Variants in MSH4 observed in about 807,000 individuals in gnomAD.
MSH4 encodes mutS homolog 4, also known as mutS protein homolog 4.
In MSH4, 106 loss-of-function variants were observed where a neutral mutation model predicts 113.7. The ratio of observed to expected loss-of-function variants is 0.93; its 90% CI spans 0.80 to 1.10. MSH4 has a LOEUF of 1.10. Among genes scored for constraint, MSH4 ranks in the 50% least tolerant of loss-of-function variants. The pLI, the probability that MSH4 is intolerant of heterozygous loss-of-function variation, is 0.00. For missense variants in MSH4, 1,061 were observed against 1,093.7 expected, an observed-to-expected ratio of 0.97 and a Z score of 0.42; for synonymous variants, 368 against 380.2, an observed-to-expected ratio of 0.97 and a Z score of 0.37.
Position 75,816,412 on chromosome 1 carries a change from T to C in MSH4, c.855T>C (p.Tyr285=), listed in dbSNP as rs759534906. 7 of 1,608,682 alleles carry C rather than the reference T, an allele frequency of 4.4e-6. No homozygotes were observed. The highest frequency in any genetic ancestry group is 1.7e-4 in the Middle Eastern group (1 of 6,020). Residue 285 remains tyrosine (Y), a synonymous_variant, in exon 6 of 20, where the codon TAT becomes TAC. Coordinates refer to ENST00000263187, the MANE Select transcript of MSH4 (RefSeq NM_002440.4). ...CLAAVAALLK[Y]VEFIQNSVYA... ...CAGCTGTTGCAGCTTTGTTAAAATA[T>C]GTTGAATTTATTCAAAATTCAGTTT...
At chr1:75,885,318 G>T (rs12068999) in intron 15 of MSH4, among the ~76,000 whole-genome samples, 4,432 of 105,098 alleles carry the variant, frequency 0.042, 108 homozygotes, top group African/African-American at 0.061. Context: ...TCACACTGGG[G>T]GTGTGTGTGT....
At chr1:75,837,094 G>A (rs114911873) in intron 7 of MSH4, among the ~76,000 whole-genome samples, 1,572 of 152,276 alleles carry the variant, frequency 0.01, 40 homozygotes, top group African/African-American at 0.036. Context: ...CCTTTAGGGG[G>A]TGGTTACACA....
intron 9 of MSH4, among the ~76,000 whole-genome samples, chr1:75,874,622 A>G (rs959748065): frequency 1.3e-5 from 2 of 151,994 alleles, no homozygotes; most frequent in Admixed American, 6.6e-5. Context: ...ACACCTGACA[A>G]TGGAAGGTTT....
chr1:75,844,906 T>A (rs1043234492), intron 7 of MSH4, among the ~76,000 whole-genome samples: 1 of 152,222 alleles, frequency 6.6e-6, no homozygotes, highest in Non-Finnish European at 1.5e-5. Flanking sequence ...AAGGGACCTG[T>A]ATCTGGTGAG....
At chr1:75,805,271 C>G (rs1650035181) in intron 2 of MSH4, among the ~76,000 whole-genome samples, 3 of 152,020 alleles carry the variant, frequency 2.0e-5, no homozygotes, top group Admixed American at 6.6e-5. Flanking sequence ...CATCCTAATA[C>G]ATAAAGCTTT....
chr1:75,805,223 T>C (rs1447193484), intron 2 of MSH4, among the ~76,000 whole-genome samples: 1 of 152,180 alleles, frequency 6.6e-6, no homozygotes, highest in East Asian at 1.9e-4. Flanking sequence ...AATACATTTA[T>C]GCTGTTATCT....
In MSH4 at chr1:75,797,011, C is replaced by T; in HGVS notation, c.26C>T (p.Thr9Ile). The change falls in exon 1 of 20, where the codon ACC becomes ATC. Residue 9 changes from threonine (T) to isoleucine (I), a missense_variant. Physicochemically the swap from Thr to Ile is moderately conservative, Grantham distance 89. Transcript: ENST00000263187. MLRPEISSTSPSAPAVSPS... is the reference protein window; with the variant it reads MLRPEISSISPSAPAVSPS... ...ATGCTGAGGCCTGAGATCTCATCAACCTCGCCTTCTGCCCCGGCGGTTTCC... is the reference window on the plus strand; with the variant it reads ...ATGCTGAGGCCTGAGATCTCATCAATCTCGCCTTCTGCCCCGGCGGTTTCC... The T allele has an allele frequency of 6.2e-7, 1 of 1,614,122 alleles. No homozygotes were observed.
chr1:75,902,355 C>T (rs567066956), intron 19 of MSH4, among the ~76,000 whole-genome samples: 42 of 151,972 alleles, frequency 2.8e-4, no homozygotes, highest in Admixed American at 5.9e-4. Context: ...CCCTTGCCAC[C>T]TCCTACCTTC....
At chr1:75,912,009 G>A (rs1652798506) in intron 19 of MSH4, among the ~76,000 whole-genome samples, 1 of 152,016 alleles carries the variant, frequency 6.6e-6, no homozygotes, top group Non-Finnish European at 1.5e-5. Context: ...AGCATCTAAA[G>A]GACTTCTACA....
At position 75,815,090 on chromosome 1, in the gene MSH4, T is replaced by A; in HGVS notation, c.769T>A (p.Leu257Ile). 2 of 1,606,550 alleles carry A rather than the reference T, an allele frequency of 1.2e-6. No individual in the cohort carries two copies. ...AAAAGGATTAGAGTACATTGAACAG[T>A]TATGCATAGCAGAATTCAGCACTGT... ...ETKGLEYIEQ[L>I]CIAEFSTVLM... Residue 257 changes from leucine (L) to isoleucine (I), a missense_variant, in exon 5 of 20, where the codon TTA becomes ATA. Physicochemically the swap from Leu to Ile is conservative, Grantham distance 5. Coordinates refer to ENST00000263187, the MANE Select transcript of MSH4 (RefSeq NM_002440.4).
chr1:75,856,274 CT>C (rs1353586023), intron 8 of MSH4, among the ~76,000 whole-genome samples: 4 of 151,842 alleles, frequency 2.6e-5, no homozygotes, highest in Non-Finnish European at 5.9e-5. Context: ...ACTTCCCATC[CT>C]TTTTTCTTTC....
chr1:75,866,457 C>T (rs1457585347), intron 8 of MSH4, among the ~76,000 whole-genome samples: 1 of 152,162 alleles, frequency 6.6e-6, no homozygotes, highest in African/African-American at 2.4e-5. Flanking sequence ...AGCCATTGCA[C>T]CTAGCATGAA....
intron 8 of MSH4, among the ~76,000 whole-genome samples, chr1:75,848,685 G>A (rs1651127463): frequency 6.6e-6 from 1 of 152,102 alleles, no homozygotes; most frequent in South Asian, 2.1e-4. Flanking sequence ...GCTGCAGTGA[G>A]CTGTGTTCGC....
At chr1:75,907,999 T>C (rs10873795) in intron 19 of MSH4, among the ~76,000 whole-genome samples, 63,260 of 149,218 alleles carry the variant, frequency 0.42, 13,776 homozygotes, top group African/African-American at 0.5. Flanking sequence ...CATGAGCCAC[T>C]GTGCCTGGCT....
At position 75,902,673 on chromosome 1, in the gene MSH4, GTATA is replaced by G. The variant is rs34304425; in HGVS notation, c.2619+3026_2619+3029del. 1.5e-3 allele frequency among the ~76,000 whole-genome samples: 132 copies of G among 90,158 alleles called. 3 individuals carry two copies. Among genetic ancestry groups the G allele is most frequent in the Non-Finnish European group, 1.7e-3 (73 of 42,938 alleles). 59.1% of individuals were successfully genotyped at this position (90,158 alleles called of 152,430 possible). A position where few individuals can be genotyped will look rare whatever the true frequency, so the allele number is the denominator to read the frequency against. ...AGGTACAGGTGTTATATATGTGTATGTATATATATATATATATATATATATATAT... is the reference window on the plus strand; with the variant it reads ...AGGTACAGGTGTTATATATGTGTATGTATATATATATATATATATATATAT... On this transcript the variant is annotated intron_variant, in intron 19 of 19. Coordinates refer to ENST00000263187, the MANE Select transcript of MSH4 (RefSeq NM_002440.4).
chr1:75,840,922 AT>A (rs1363618229), intron 7 of MSH4, among the ~76,000 whole-genome samples: 1 of 152,162 alleles, frequency 6.6e-6, no homozygotes, highest in African/African-American at 2.4e-5. Context: ...GGGAGTTGGG[AT>A]AAAGACAGAA....
chr1:75,839,359 C>G (rs985439304), intron 7 of MSH4, among the ~76,000 whole-genome samples: 2 of 152,070 alleles, frequency 1.3e-5, no homozygotes, highest in Non-Finnish European at 1.5e-5. Context: ...GGATTACAGG[C>G]GCCCACCACC....
At chr1:75,899,793 T>C in intron 19 of MSH4, 87 bp downstream of exon 19, 1 of 375,026 alleles carries the variant, frequency 2.7e-6, no homozygotes, top group Non-Finnish European at 4.6e-6. Flanking sequence ...TCTAAATATA[T>C]AATAATTAAT....
chr1:75,891,055 A>G (rs578100860), intron 17 of MSH4, among the ~76,000 whole-genome samples: 2 of 152,306 alleles, frequency 1.3e-5, no homozygotes, highest in East Asian at 3.9e-4. Flanking sequence ...AAATAATGCA[A>G]AATTAGTCAG....
Sources: allele counts gnomAD v4.1 joint callset (sites outside exome capture counted in the v4.1 genomes callset), GRCh38; gene constraint gnomAD v4.1.1; transcripts MANE v1.5; gene names NCBI Gene and HGNC (gene_info 2026-07-23, HGNC 2026-07-21).